The following MSI2 variants were observed in gnomAD, a reference collection of about 807,000 sequenced individuals.
The protein encoded by MSI2 is musashi RNA binding protein 2.
Under a neutral mutation model 45.6 loss-of-function variants are expected in MSI2, and 17 were observed. The observed-to-expected ratio is 0.37, with a 90% confidence interval of 0.26 to 0.56. The LOEUF (loss-of-function observed/expected upper bound fraction) is 0.56. MSI2 is among the 20% of genes least tolerant of loss of function. The probability of loss-of-function intolerance (pLI) is 0.77; values close to 1 mark genes in which losing one functional copy is unlikely to be tolerated. For missense variants in MSI2, 293 were observed against 444.2 expected (o/e 0.66, Z 3.06); for synonymous variants, 156 against 158.2 (o/e 0.99, Z 0.11).
At chr17:57,488,727 G>A (rs2085804901) in intron 6 of MSI2, among the ~76,000 whole-genome samples, 2 of 152,094 alleles carry the variant, frequency 1.3e-5, no homozygotes, top group South Asian at 2.1e-4. Context: ...GGGAGGCTGA[G>A]GCAGGAGAAT....
intron 5 of MSI2, chr17:57,285,814 C>A: frequency 1.4e-6 from 2 of 1,390,266 alleles, no homozygotes; most frequent in Non-Finnish European, 1.9e-6. Flanking sequence ...TCTCCTTGCC[C>A]GTCAGTTAGC....
At position 57,554,248 on chromosome 17, in the gene MSI2, T is replaced by A. The variant is rs1443988060; in HGVS notation, c.454+24524T>A. Among the ~76,000 whole-genome samples the A allele has an allele frequency of 2.6e-5, 4 of 151,666 alleles. No homozygotes were observed. The East Asian group carries it at 7.7e-4, about 29-fold the overall frequency. On this transcript the variant is annotated intron_variant, in intron 7 of 13. Coordinates refer to ENST00000284073, the MANE Select transcript of MSI2 (RefSeq NM_138962.4). Reference sequence around the variant, plus strand: ...AGTTTGGGGCGGGGGAGGGGGGGGATGGTTCTTAAAAATGCAGAGAGTCTT... The same window carrying A: ...AGTTTGGGGCGGGGGAGGGGGGGGAAGGTTCTTAAAAATGCAGAGAGTCTT...
chr17:57,632,230 G>T (rs1360426234), intron 10 of MSI2: 5 of 1,101,376 alleles, frequency 4.5e-6, no homozygotes, highest in Non-Finnish European at 5.5e-6. Context: ...GCTTTGAAGT[G>T]CTGGTGGTCC....
chr17:57,309,670 A>T (rs1276636552), intron 5 of MSI2, among the ~76,000 whole-genome samples: 1 of 152,218 alleles, frequency 6.6e-6, no homozygotes, highest in African/African-American at 2.4e-5. Context: ...ATTCCTTCTC[A>T]GGAAAGCAGG....
intron 6 of MSI2, among the ~76,000 whole-genome samples, chr17:57,423,954 A>C (rs779804951): frequency 2.1e-4 from 32 of 152,268 alleles, no homozygotes; most frequent in Non-Finnish European, 3.5e-4. Context: ...AAGCACAGAT[A>C]ATTATTTCTG....
chr17:57,290,905 G>A (rs997303576), intron 5 of MSI2, among the ~76,000 whole-genome samples: 2 of 152,200 alleles, frequency 1.3e-5, no homozygotes, highest in African/African-American at 4.8e-5. Flanking sequence ...GATTATCTGG[G>A]AAACAGTTCT....
At chr17:57,593,586 C>G (rs1905031096) in intron 7 of MSI2, among the ~76,000 whole-genome samples, 1 of 145,222 alleles carries the variant, frequency 6.9e-6, no homozygotes, top group African/African-American at 2.5e-5. Context: ...CCAGGATAAT[C>G]TCTTCTCAAG....
At chr17:57,413,820 C>T (rs1234519681) in intron 6 of MSI2, among the ~76,000 whole-genome samples, 1 of 151,990 alleles carries the variant, frequency 6.6e-6, no homozygotes, top group African/African-American at 2.4e-5. Context: ...TCTTGAAAAG[C>T]TCCGCAATGT....
intron 5 of MSI2, among the ~76,000 whole-genome samples, chr17:57,327,708 A>G (rs975049918): frequency 6.6e-6 from 1 of 152,196 alleles, no homozygotes; most frequent in Non-Finnish European, 1.5e-5. Flanking sequence ...ATCTTGTCGC[A>G]AAAACCAAGC....
chr17:57,283,490 A>T (rs969386201), intron 5 of MSI2, among the ~76,000 whole-genome samples: 8 of 152,296 alleles, frequency 5.3e-5, no homozygotes, highest in African/African-American at 1.9e-4. Context: ...TGTGTTTGAG[A>T]TGGATGCCAA....
At chr17:57,475,973 T>C (rs1295302590) in intron 6 of MSI2, among the ~76,000 whole-genome samples, 7 of 152,202 alleles carry the variant, frequency 4.6e-5, no homozygotes, top group Non-Finnish European at 1.0e-4. Flanking sequence ...ACAGACAATC[T>C]CTCCCTCCCG....
intron 5 of MSI2, among the ~76,000 whole-genome samples, chr17:57,358,200 G>GTGTGTGTGTGT (rs1567778446): frequency 9.5e-5 from 4 of 41,898 alleles, no homozygotes; most frequent in South Asian, 8.0e-4. Flanking sequence ...TGTGTGTGTG[G>GTGTGTGTGTGT]GGGGGTGTGT....
chr17:57,575,147 T>TCCCCCCCC (rs371180511), intron 7 of MSI2, among the ~76,000 whole-genome samples: 86 of 119,568 alleles, frequency 7.2e-4, no homozygotes, highest in Middle Eastern at 4.3e-3. Flanking sequence ...CTTTTTTAAC[T>TCCCCCCCC]CCCTCCCCCC....
intron 6 of MSI2, among the ~76,000 whole-genome samples, chr17:57,412,517 G>T (rs2084216101): frequency 6.6e-6 from 1 of 152,134 alleles, no homozygotes; most frequent in Admixed American, 6.5e-5. Flanking sequence ...GGAGTACATA[G>T]GTAGAAAAGT....
At position 57,627,075 on chromosome 17, in the gene MSI2, C is replaced by T; in HGVS notation, c.653-154C>T. The T allele has an allele frequency of 1.4e-6, 1 of 708,220 alleles. No individual in the cohort carries two copies. Among genetic ancestry groups the T allele is most frequent in the South Asian group, 1.8e-5 (1 of 56,002 alleles). 43.9% of individuals were successfully genotyped at this position (708,220 alleles called of 1,614,324 possible). A position where few individuals can be genotyped will look rare whatever the true frequency, so the allele number is the denominator to read the frequency against. ...GCCCCCGGCCACAGGAGAGAGGTGA[C>T]CCAGACCCTTAATAAAAAAACCCTC... is the stretch of plus-strand genomic sequence containing the variant. On this transcript the variant is annotated intron_variant, in intron 9 of 13. Coordinates refer to ENST00000284073, the MANE Select transcript of MSI2 (RefSeq NM_138962.4). This position sits in a 1 kb window ranked among gnomAD's most constrained non-coding sequence, Gnocchi z 4.6.
the MSI2 span, among the ~76,000 whole-genome samples, chr17:57,692,354 A>C: frequency 1.3e-5 from 2 of 152,152 alleles, no homozygotes; most frequent in African/African-American, 4.8e-5. Context: ...ATGAGTTGGG[A>C]AATAGTTCTT....
At chr17:57,590,138 AT>A (rs949415248) in intron 7 of MSI2, among the ~76,000 whole-genome samples, 36 of 151,284 alleles carry the variant, frequency 2.4e-4, no homozygotes, top group Non-Finnish European at 1.3e-4. Flanking sequence ...TTCCTCCCTC[AT>A]TTTTTTTTCT....
chr17:57,366,158 C>A (rs2143931116), intron 5 of MSI2, among the ~76,000 whole-genome samples: 1 of 152,312 alleles, frequency 6.6e-6, no homozygotes, highest in East Asian at 1.9e-4. Flanking sequence ...GCAGCCCCAC[C>A]CGTTTCGGCC....
At chr17:57,260,034 T>A (rs1449647104) in intron 4 of MSI2, 1 of 152,250 alleles carries the variant, frequency 6.6e-6, no homozygotes, top group Non-Finnish European at 1.5e-5. Flanking sequence ...TGTTTACTGT[T>A]ACCTTAAAAG....
Sources: gnomAD v4.1 joint callset for allele counts (sites outside exome capture counted in the v4.1 genomes callset) on GRCh38, gnomAD v4.1.1 for gene constraint, Gnocchi (gnomAD v3.1) non-coding constraint, MANE v1.5 for transcripts, NCBI Gene and HGNC (gene_info 2026-07-23, HGNC 2026-07-21) for gene names.